The following MED12L variants were observed in gnomAD, a reference collection of about 807,000 sequenced individuals.
The protein encoded by MED12L is mediator complex subunit 12L.
MED12L carries 60 observed loss-of-function variants against 281.3 expected under a neutral mutation model. The observed-to-expected ratio is 0.21, with a 90% confidence interval of 0.17 to 0.26. MED12L has a LOEUF of 0.26. Among genes scored for constraint, MED12L ranks in the 10% least tolerant of loss-of-function variants. The pLI, the probability that MED12L is intolerant of heterozygous loss-of-function variation, is 1.00. For synonymous variants in MED12L, 974 were observed against 987.2 expected, an observed-to-expected ratio of 0.99 and a Z score of 0.25; for missense variants, 2,146 against 2,680.9, an observed-to-expected ratio of 0.80 and a Z score of 4.41.
intron 16 of MED12L, chr3:151,295,423 C>T (rs1353310548): frequency 3.8e-6 from 2 of 527,064 alleles, no homozygotes; most frequent in African/African-American, 3.8e-5. Context: ...CATATCAGGA[C>T]CCTTGAGTAA....
intron 43 of MED12L, among the ~76,000 whole-genome samples, chr3:151,417,364 G>A (rs1717693844): frequency 6.6e-6 from 1 of 152,070 alleles, no homozygotes. Context: ...AGAGTTAGGT[G>A]GTTAAAGAAC....
intron 39 of MED12L, among the ~76,000 whole-genome samples, chr3:151,402,637 G>A (rs570442819): frequency 7.9e-5 from 12 of 152,254 alleles, no homozygotes; most frequent in East Asian, 1.9e-4. Context: ...GTTGCAGCAC[G>A]TTTTGGTGTC....
Position 151,377,053 on chromosome 3 carries a change from G to A in MED12L, c.4191G>A (p.Glu1397=). The A allele has an allele frequency of 6.2e-7, 1 of 1,614,048 alleles. No individual in the cohort carries two copies. The highest frequency in any genetic ancestry group is 8.5e-7 in the Non-Finnish European group (1 of 1,179,950). ...ACAATATTGCAAAGGCAACAATAGAGGTATTCCAGCAGTCTGCAGACCTAA... is the reference window on the plus strand; with the variant it reads ...ACAATATTGCAAAGGCAACAATAGAAGTATTCCAGCAGTCTGCAGACCTAA... ...LLDNIAKATI[E]VFQQSADLNN... The change falls in exon 30 of 45, where the codon GAG becomes GAA. Residue 1397 remains glutamate (E), a synonymous_variant. Transcript: ENST00000687756.
At chr3:151,199,116 C>A in intron 16 of MED12L, 1 of 1,614,050 alleles carries the variant, frequency 6.2e-7, no homozygotes, top group Non-Finnish European at 8.5e-7. Flanking sequence ...ATGAGGCAGG[C>A]TGTTACTTGG....
chr3:151,235,950 T>G (rs191586953), intron 16 of MED12L, among the ~76,000 whole-genome samples: 2 of 152,170 alleles, frequency 1.3e-5, no homozygotes, highest in Non-Finnish European at 2.9e-5. Flanking sequence ...GTTTAAAATA[T>G]TAGGTTGGTG....
At chr3:151,090,599 T>A (rs1264507851) in intron 2 of MED12L, among the ~76,000 whole-genome samples, 1 of 152,116 alleles carries the variant, frequency 6.6e-6, no homozygotes, top group African/African-American at 2.4e-5. Flanking sequence ...AAAAGGGAAA[T>A]CCGGTGACTG....
intron 16 of MED12L, chr3:151,198,494 T>G: frequency 6.2e-7 from 1 of 1,612,246 alleles, no homozygotes; most frequent in Non-Finnish European, 8.5e-7. Flanking sequence ...GGCAAAAGTC[T>G]CAGTGACCTT....
At chr3:151,144,288 C>G (rs1006537219) in intron 5 of MED12L, among the ~76,000 whole-genome samples, 1 of 152,054 alleles carries the variant, frequency 6.6e-6, no homozygotes, top group Non-Finnish European at 1.5e-5. Context: ...TCCCTAAATG[C>G]GACAGTTAGC....
intron 16 of MED12L, among the ~76,000 whole-genome samples, chr3:151,293,351 A>C (rs1744516491): frequency 6.6e-6 from 1 of 151,652 alleles, no homozygotes; most frequent in Non-Finnish European, 1.5e-5. Context: ...ACACGCCTTC[A>C]CTCCTCCTCT....
chr3:151,325,623 A>G (rs1342063153), intron 16 of MED12L, among the ~76,000 whole-genome samples: 1 of 152,198 alleles, frequency 6.6e-6, no homozygotes, highest in Admixed American at 6.5e-5. Context: ...GATGTAATAG[A>G]TTATTTTATT....
intron 5 of MED12L, 140 bp from the exon 6 acceptor site, chr3:151,156,021 G>A (rs2148935403): frequency 1.4e-6 from 1 of 710,968 alleles, no homozygotes; most frequent in Non-Finnish European, 2.2e-6. Context: ...AGCACTGCTT[G>A]TACAGGCACA....
chr3:151,243,809 G>A (rs1399895611), intron 16 of MED12L, among the ~76,000 whole-genome samples: 34 of 151,534 alleles, frequency 2.2e-4, no homozygotes, highest in African/African-American at 7.8e-4. Flanking sequence ...CCAATTAAAC[G>A]ACACAGACTG....
chr3:151,191,247 C>T (rs547409758), intron 14 of MED12L, among the ~76,000 whole-genome samples: 1 of 152,130 alleles, frequency 6.6e-6, no homozygotes, highest in Non-Finnish European at 1.5e-5. Flanking sequence ...AACATTGTGT[C>T]TCAAAACTGG....
chr3:151,420,592 C>T (rs1226243126), intron 43 of MED12L, among the ~76,000 whole-genome samples: 1 of 152,148 alleles, frequency 6.6e-6, no homozygotes, highest in African/African-American at 2.4e-5. Context: ...GCATACACGG[C>T]CTTCTGGAGA....
chr3:151,293,672 CA>C (rs1744626265), intron 16 of MED12L, among the ~76,000 whole-genome samples: 7 of 140,146 alleles, frequency 5.0e-5, no homozygotes, highest in African/African-American at 2.1e-4. Context: ...CACACACACA[CA>C]CACACCCTCT....
intron 21 of MED12L, among the ~76,000 whole-genome samples, chr3:151,363,487 T>C (rs1360112639): frequency 1.3e-5 from 2 of 152,216 alleles, no homozygotes; most frequent in Non-Finnish European, 2.9e-5. Context: ...ATTGAGCTAC[T>C]GCTGTGTGCC....
intron 16 of MED12L, among the ~76,000 whole-genome samples, chr3:151,223,049 T>C (rs1382882273): frequency 6.6e-6 from 1 of 152,096 alleles, no homozygotes; most frequent in African/African-American, 2.4e-5. Flanking sequence ...GAGATTCTCT[T>C]TGGAAAGAAA....
Position 151,411,513 on chromosome 3 carries a change from A to G in MED12L, c.6140+6A>G. 1.2e-6 allele frequency: 2 copies of G among 1,612,658 alleles called. No individual in the cohort carries two copies. The highest frequency in any genetic ancestry group is 1.3e-5 in the African/African-American group (1 of 75,016). On this transcript the variant is annotated splice_donor_region_variant and intron_variant, in intron 41 of 44. Transcript: ENST00000687756. ...CCCCTGACTGGCTCTCAGAGGTGAT[A>G]CATGTGGAAATGATGATGGCAATAA...
At chr3:151,246,971 A>G (rs2149422129) in intron 16 of MED12L, among the ~76,000 whole-genome samples, 1 of 152,326 alleles carries the variant, frequency 6.6e-6, no homozygotes, top group Middle Eastern at 3.4e-3. Flanking sequence ...ACACGAACAG[A>G]CACTTCTCAA....
Sources: gnomAD v4.1 joint callset for allele counts (sites outside exome capture counted in the v4.1 genomes callset) on GRCh38, gnomAD v4.1.1 for gene constraint, MANE v1.5 for transcripts, NCBI Gene and HGNC (gene_info 2026-07-23, HGNC 2026-07-21) for gene names.